The following CYTH3 variants were observed in gnomAD, a reference collection of about 807,000 sequenced individuals.
CYTH3 encodes the protein cytohesin 3.
Under a neutral mutation model 55.1 loss-of-function variants are expected in CYTH3, and 23 were observed. The ratio of observed to expected loss-of-function variants is 0.42; its 90% confidence interval spans 0.30 to 0.59. The LOEUF is 0.59. Ranked by LOEUF, CYTH3 falls within the 20% of genes least tolerant of loss-of-function variation. The pLI is 0.20. For missense variants in CYTH3, 413 were observed against 524.8 expected (o/e 0.79, Z 2.08); for synonymous variants, 249 against 194.9 (o/e 1.28, Z -2.31).
At chr7:6,208,490 T>C (rs1039274718) in intron 1 of CYTH3, among the ~76,000 whole-genome samples, 4 of 152,114 alleles carry the variant, frequency 2.6e-5, no homozygotes, top group African/African-American at 7.2e-5. Context: ...AGCCAGCTCC[T>C]TGGGAACCTT....
chr7:6,232,631 A>AGTGCT (rs557031945), intron 1 of CYTH3, among the ~76,000 whole-genome samples: 74 of 152,272 alleles, frequency 4.9e-4, no homozygotes, highest in African/African-American at 1.7e-3. Flanking sequence ...CAGTGCCAGC[A>AGTGCT]ACAGCCAGGA....
intron 4 of CYTH3, among the ~76,000 whole-genome samples, chr7:6,185,687 T>G (rs979617480): frequency 6.9e-6 from 1 of 145,650 alleles, no homozygotes; most frequent in East Asian, 2.0e-4. Flanking sequence ...GCAACAGAGT[T>G]AGACTCTGTC....
chr7:6,224,277 G>T (rs1177224214), intron 1 of CYTH3, among the ~76,000 whole-genome samples: 1 of 144,804 alleles, frequency 6.9e-6, no homozygotes, highest in Non-Finnish European at 1.5e-5. Context: ...AGTCCCTGAA[G>T]CGCTATTAAC....
chr7:6,250,129 G>C (rs1226760359), intron 1 of CYTH3, among the ~76,000 whole-genome samples: 1 of 152,098 alleles, frequency 6.6e-6, no homozygotes, highest in Non-Finnish European at 1.5e-5. Context: ...CCGAGAAGTA[G>C]ACTCTTCACG....
At position 6,169,309 on chromosome 7, in the gene CYTH3, C is replaced by T. The variant is rs1228479797; in HGVS notation, c.823+1226G>A. Among the ~76,000 whole-genome samples the T allele has an allele frequency of 6.6e-6, 1 of 152,196 alleles. No individual in the cohort carries two copies. The highest frequency in any genetic ancestry group is 1.5e-5 in the Non-Finnish European group (1 of 68,038). ...AGTCATGGTTCATTGGAGCCTCAAC[C>T]TCCTGGGCTCAGGCCATCCTCCTGC... is the stretch of plus-strand genomic sequence containing the variant. On this transcript the variant is annotated intron_variant, in intron 9 of 12. Coordinates refer to ENST00000350796, the MANE Select transcript of CYTH3 (RefSeq NM_004227.4). The surrounding 1 kb of genome is among the most constrained non-coding windows in gnomAD (Gnocchi z 4.1).
chr7:6,165,060 C>T, intron 12 of CYTH3, 44 bp from the exon 13 acceptor site: 1 of 1,611,448 alleles, frequency 6.2e-7, no homozygotes, highest in Non-Finnish European at 8.5e-7. Context: ...GTGGGTGACA[C>T]ACAGACCTCC....
At chr7:6,205,590 A>G (rs117299579) in intron 1 of CYTH3, among the ~76,000 whole-genome samples, 285 of 152,286 alleles carry the variant, frequency 1.9e-3, no homozygotes, top group Non-Finnish European at 3.4e-3. Flanking sequence ...ACAAATAAAA[A>G]ACAAGAAAAG....
intron 5 of CYTH3, 68 bp from the exon 6 acceptor site, chr7:6,173,801 G>A (rs1387219462): frequency 1.1e-6 from 1 of 911,930 alleles, no homozygotes; most frequent in Non-Finnish European, 1.8e-6. Flanking sequence ...AGATGCGGCT[G>A]ATGAATAATG....
intron 1 of CYTH3, among the ~76,000 whole-genome samples, chr7:6,235,133 A>C (rs1311803393): frequency 6.6e-6 from 1 of 152,158 alleles, no homozygotes; most frequent in East Asian, 1.9e-4. Flanking sequence ...TTATCCTTTA[A>C]GGCTCGATGA....
chr7:6,179,632 TACACCTCAC>T (rs1783429364), intron 4 of CYTH3, among the ~76,000 whole-genome samples: 2 of 28,244 alleles, frequency 7.1e-5, no homozygotes, highest in African/African-American at 2.6e-4. Flanking sequence ...ACCCCCCACA[TACACCTCAC>T]ACACCCCACA....
intron 4 of CYTH3, among the ~76,000 whole-genome samples, chr7:6,185,422 GCACT>G (rs1400988459): frequency 1.3e-5 from 2 of 151,118 alleles, no homozygotes; most frequent in Non-Finnish European, 2.9e-5. Flanking sequence ...TGGGCCGGGT[GCACT>G]GGGCTCACGC....
chr7:6,174,788 C>T (rs1272119655), intron 5 of CYTH3, among the ~76,000 whole-genome samples: 1 of 151,934 alleles, frequency 6.6e-6, no homozygotes. Context: ...ACCTCGTGAT[C>T]CACCCACCTC....
At chr7:6,238,650 T>C (rs1292277811) in intron 1 of CYTH3, among the ~76,000 whole-genome samples, 4 of 152,110 alleles carry the variant, frequency 2.6e-5, no homozygotes, top group African/African-American at 7.2e-5. Flanking sequence ...CCCAAACCTA[T>C]AGAATGTACC....
intron 1 of CYTH3, among the ~76,000 whole-genome samples, chr7:6,238,362 A>G (rs931511044): frequency 6.6e-6 from 1 of 152,210 alleles, no homozygotes; most frequent in East Asian, 1.9e-4. Context: ...CCTCCTCTAA[A>G]AAGAACAAAA....
intron 4 of CYTH3, among the ~76,000 whole-genome samples, chr7:6,181,907 G>C (rs1429320542): frequency 1.3e-5 from 2 of 152,038 alleles, no homozygotes; most frequent in East Asian, 3.9e-4. Context: ...TCATTTCCAA[G>C]GTTCTTTTTC....
chr7:6,251,151 T>C (rs1167006745), intron 1 of CYTH3, among the ~76,000 whole-genome samples: 1 of 152,160 alleles, frequency 6.6e-6, no homozygotes, highest in Admixed American at 6.5e-5. Flanking sequence ...GGCGGGCGCC[T>C]GTAGTCTCAG....
rs574655819 is a variant in CYTH3, at chr7:6,255,088, C to T, written c.34+17386G>A. Among the ~76,000 whole-genome samples, 8 of 152,284 alleles carry T rather than the reference C, an allele frequency of 5.3e-5. No homozygotes were observed. In the East Asian group the frequency reaches 1.3e-3, roughly 26 times the overall value. On this transcript the variant is annotated intron_variant, in intron 1 of 12. Transcript: ENST00000350796. ...AGTTTTGAATGCCTACTATTACAAT[C>T]GTCGAGATTTTTGATAAATTCTTCA...
At chr7:6,207,795 C>G (rs570077443) in intron 1 of CYTH3, among the ~76,000 whole-genome samples, 10 of 152,106 alleles carry the variant, frequency 6.6e-5, no homozygotes, top group Middle Eastern at 6.8e-3. Context: ...ACAACAAATA[C>G]AAAAATTACC....
chr7:6,189,024 C>T (rs1016496626), intron 2 of CYTH3: 1 of 152,240 alleles, frequency 6.6e-6, no homozygotes, highest in African/African-American at 2.4e-5. Flanking sequence ...CAAGGCCTGT[C>T]CTTGCCGTGG....
Sources: gnomAD v4.1 joint callset for allele counts (sites outside exome capture counted in the v4.1 genomes callset) on GRCh38, gnomAD v4.1.1 for gene constraint, Gnocchi (gnomAD v3.1) non-coding constraint, MANE v1.5 for transcripts, NCBI Gene and HGNC (gene_info 2026-07-23, HGNC 2026-07-21) for gene names.